IFT74: variants seen among roughly 807,000 people sequenced by gnomAD.
IFT74 encodes the protein intraflagellar transport protein 74 homolog.
A neutral mutation model predicts 96.7 loss-of-function variants in IFT74; 92 were observed. The ratio of observed to expected loss-of-function variants is 0.95; its 90% CI spans 0.80 to 1.13. The LOEUF (loss-of-function observed/expected upper bound fraction) is 1.13. Among genes scored for constraint, IFT74 ranks in the 50% most tolerant of loss-of-function variants. The pLI is 0.00. For synonymous variants in IFT74, 223 were observed against 213.2 expected (o/e 1.05, Z -0.40); for missense variants, 811 against 698.2 (o/e 1.16, Z -1.82).
chr9:26,993,894 A>G (rs1423394085), intron 8 of IFT74: 3 of 152,212 alleles, frequency 2.0e-5, no homozygotes, highest in African/African-American at 4.8e-5. Context: ...AGAGATATAC[A>G]TATTTGTAAA....
chr9:27,012,612 A>G (rs770667780), intron 10 of IFT74, among the ~76,000 whole-genome samples: 58 of 151,178 alleles, frequency 3.8e-4, no homozygotes, highest in African/African-American at 1.4e-3. Context: ...GTAAAAACTT[A>G]CTTTTTTTAT....
At chr9:26,950,419 C>A (rs1210756773) in intron 1 of IFT74, among the ~76,000 whole-genome samples, 3 of 152,080 alleles carry the variant, frequency 2.0e-5, no homozygotes, top group Admixed American at 1.3e-4. Context: ...TAATTCTAAT[C>A]TTGTCTTATG....
chr9:26,958,352 A>G (rs1276684217), intron 1 of IFT74, among the ~76,000 whole-genome samples: 1 of 152,208 alleles, frequency 6.6e-6, no homozygotes, highest in African/African-American at 2.4e-5. Context: ...CCAGTTATGG[A>G]CTGGTCATGG....
At chr9:26,949,623 T>C (rs1175421998) in intron 1 of IFT74, among the ~76,000 whole-genome samples, 1 of 152,142 alleles carries the variant, frequency 6.6e-6, no homozygotes, top group Non-Finnish European at 1.5e-5. Flanking sequence ...GAACTACAAA[T>C]GTTGCAGCAG....
At chr9:27,054,666 A>G (rs1820080694) in intron 16 of IFT74, among the ~76,000 whole-genome samples, 1 of 152,198 alleles carries the variant, frequency 6.6e-6, no homozygotes, top group African/African-American at 2.4e-5. Context: ...CAGCATTTTC[A>G]TGATCATTTG....
Position 26,962,101 on chromosome 9 carries a change from A to C in IFT74, c.120+14A>C. ...GTGGCAACTGCAGTAAGTTTGAAACAAATCTATTTACTTTGGGAGGCCAAG... is the reference window on the plus strand; with the variant it reads ...GTGGCAACTGCAGTAAGTTTGAAACCAATCTATTTACTTTGGGAGGCCAAG... On this transcript the variant is annotated intron_variant, in intron 2 of 19. Transcript: ENST00000380062. 2 of 1,613,786 alleles carry C rather than the reference A, an allele frequency of 1.2e-6. No homozygotes were observed. The highest frequency in any genetic ancestry group is 1.3e-5 in the African/African-American group (1 of 75,002).
At chr9:27,013,364 C>T (rs756358187) in intron 10 of IFT74, among the ~76,000 whole-genome samples, 1 of 151,990 alleles carries the variant, frequency 6.6e-6, no homozygotes, top group African/African-American at 2.4e-5. Context: ...TATAGTTTTC[C>T]GGGATTATAA....
At chr9:26,956,335 G>A (rs1329145499), upstream of IFT74, 2 of 152,250 alleles carry the variant, frequency 1.3e-5, no homozygotes, top group Middle Eastern at 3.2e-3. Flanking sequence ...CAAGGGCTGA[G>A]GCGGAGGATT....
At chr9:27,058,091 T>G (rs1233424741) in intron 18 of IFT74, among the ~76,000 whole-genome samples, 1 of 151,770 alleles carries the variant, frequency 6.6e-6, no homozygotes, top group Non-Finnish European at 1.5e-5. Context: ...TTTTTCAGCC[T>G]TCTTTTTTTT....
At chr9:26,964,335 G>A (rs1826508988) in intron 2 of IFT74, among the ~76,000 whole-genome samples, 1 of 148,794 alleles carries the variant, frequency 6.7e-6, no homozygotes, top group Admixed American at 6.8e-5. Flanking sequence ...CTCTGTTTTG[G>A]TACCAGTACC....
chr9:26,971,978 A>C (rs1826901246), intron 2 of IFT74, among the ~76,000 whole-genome samples: 1 of 152,152 alleles, frequency 6.6e-6, no homozygotes, highest in South Asian at 2.1e-4. Context: ...TTTTTCCATC[A>C]GTTACTGAAT....
intron 2 of IFT74, among the ~76,000 whole-genome samples, chr9:26,973,928 G>T: frequency 6.6e-6 from 1 of 152,170 alleles, no homozygotes; most frequent in Admixed American, 6.5e-5. Flanking sequence ...TGAAAGTCAT[G>T]AGTGGAAGGA....
intron 10 of IFT74, among the ~76,000 whole-genome samples, chr9:27,013,205 T>C (rs1195556950): frequency 6.6e-6 from 1 of 152,204 alleles, no homozygotes; most frequent in Non-Finnish European, 1.5e-5. Context: ...CTACGTGCTA[T>C]GCTAGCTGCA....
intron 17 of IFT74, among the ~76,000 whole-genome samples, chr9:27,056,093 A>G (rs1481992889): frequency 6.6e-6 from 1 of 152,126 alleles, no homozygotes; most frequent in Non-Finnish European, 1.5e-5. Context: ...TGCCATTTAC[A>G]TTAATTTAGA....
chr9:27,016,969 G>A lies in IFT74; in HGVS notation c.852G>A (p.Leu284=). Residue 284 remains leucine, a synonymous_variant, in exon 11 of 20, where the codon TTG becomes TTA. Coordinates refer to ENST00000380062, the MANE Select transcript of IFT74 (RefSeq NM_025103.4). ...TGCTGCATGAAAAACTTTATGAGTT[G>A]GAGTCCCATCGAGATCAAATGATTG... ...AVLLHEKLYE[L]ESHRDQMIAE... The A allele has an allele frequency of 6.2e-7, 1 of 1,610,916 alleles. No homozygotes were observed. Among genetic ancestry groups the A allele is most frequent in the South Asian group, 1.1e-5 (1 of 90,638 alleles).
chr9:27,013,101 G>A (rs1829185023), intron 10 of IFT74, among the ~76,000 whole-genome samples: 1 of 152,096 alleles, frequency 6.6e-6, no homozygotes, highest in Non-Finnish European at 1.5e-5. Context: ...TTTTTGAGCT[G>A]TAAACACATA....
chr9:27,038,288 A>G (rs1300720547), intron 13 of IFT74, among the ~76,000 whole-genome samples: 2 of 151,938 alleles, frequency 1.3e-5, no homozygotes, highest in Non-Finnish European at 2.9e-5. Flanking sequence ...TTTGAGTTAG[A>G]GTCTCACTCT....
At chr9:26,988,045 C>T (rs1181612964) in intron 6 of IFT74, among the ~76,000 whole-genome samples, 6 of 152,002 alleles carry the variant, frequency 3.9e-5, no homozygotes, top group Non-Finnish European at 7.4e-5. Context: ...CTCTGCTTCC[C>T]GGGTTCAAGC....
rs545191419 is a variant in IFT74, at chr9:27,063,971, G to T, written c.*1235G>T. On this transcript the variant is annotated 3_prime_UTR_variant, in exon 20 of 20. Coordinates refer to ENST00000380062, the MANE Select transcript of IFT74 (RefSeq NM_025103.4). ...TATTAATAGTGTTATGCCTCCAAAG[G>T]ATTCATGGTCAAAGAAGTTTGGGAA... Among the ~76,000 whole-genome samples the T allele has an allele frequency of 6.6e-6, 1 of 152,136 alleles. No homozygotes were observed. The highest frequency in any genetic ancestry group is 6.5e-5 in the Admixed American group (1 of 15,280).
Sources: gnomAD v4.1 joint callset for allele counts (sites outside exome capture counted in the v4.1 genomes callset) on GRCh38, gnomAD v4.1.1 for gene constraint, MANE v1.5 for transcripts, NCBI Gene and HGNC (gene_info 2026-07-23, HGNC 2026-07-21) for gene names.